FASTKD1: variants seen among roughly 807,000 people sequenced by gnomAD.
FASTKD1 encodes FAST kinase domains 1, also known as FAST kinase domain-containing protein 1, mitochondrial.
Under a neutral mutation model 90.9 loss-of-function variants are expected in FASTKD1, and 94 were observed. The observed-to-expected ratio is 1.03, with a 90% CI of 0.88 to 1.23. The LOEUF (loss-of-function observed/expected upper bound fraction) is 1.23. FASTKD1 is among the 50% of genes most tolerant of loss of function. The pLI is 0.00. For synonymous variants in FASTKD1, 319 were observed against 345.8 expected (o/e 0.92, Z 0.86); for missense variants, 945 against 993.5 (o/e 0.95, Z 0.66).
chr2:169,565,621 G>A (rs1479790383), intron 3 of FASTKD1, among the ~76,000 whole-genome samples: 1 of 152,102 alleles, frequency 6.6e-6, no homozygotes. Flanking sequence ...TCAAATCTTA[G>A]CTATTGTATA....
At chr2:169,553,561 G>C (rs1685593824) in intron 7 of FASTKD1, among the ~76,000 whole-genome samples, 3 of 152,100 alleles carry the variant, frequency 2.0e-5, no homozygotes, top group Admixed American at 2.0e-4. Flanking sequence ...TAACCATAAT[G>C]GCATATCACT....
At chr2:169,530,819 G>A in intron 13 of FASTKD1, 118 bp from the exon 14 acceptor site, 1 of 654,160 alleles carries the variant, frequency 1.5e-6, no homozygotes, top group East Asian at 2.7e-5. Flanking sequence ...GAATATAAAT[G>A]AGTATATCAA....
chr2:169,544,262 T>C (rs1685084186), intron 9 of FASTKD1, among the ~76,000 whole-genome samples: 1 of 152,186 alleles, frequency 6.6e-6, no homozygotes, highest in Non-Finnish European at 1.5e-5. Context: ...TTTTTCATAA[T>C]TAAAATGGAT....
chr2:169,557,203 A>G lies in FASTKD1; in HGVS notation c.1066T>C (p.Ser356Pro). 4 of 1,607,534 alleles carry G rather than the reference A, an allele frequency of 2.5e-6. No homozygotes were observed. Among genetic ancestry groups the G allele is most frequent in the Non-Finnish European group, 2.6e-6 (3 of 1,174,526 alleles). Residue 356 changes from serine (S) to proline (P), a missense_variant, in exon 6 of 15, where the codon TCA (serine) becomes CCA (proline). Transcript: ENST00000453153. Reference sequence around the variant, plus strand: ...AAAAGATACCTTTTAATCAGACATGAGTTTCTGCTTTCCATATCTCCCATT... The same window carrying G: ...AAAAGATACCTTTTAATCAGACATGGGTTTCTGCTTTCCATATCTCCCATT... Reference protein sequence around the residue: ...GAMGDMESRNSCLIKRVTSVL... With the variant: ...GAMGDMESRNPCLIKRVTSVL...
At chr2:169,570,661 G>A (rs955762378) in intron 2 of FASTKD1, among the ~76,000 whole-genome samples, 1 of 145,166 alleles carries the variant, frequency 6.9e-6, no homozygotes, top group Non-Finnish European at 1.5e-5. Context: ...ATTGCTGATT[G>A]TTATTAGGCA....
intron 7 of FASTKD1, among the ~76,000 whole-genome samples, chr2:169,547,884 CAAAAAAAAAAAAAAAAA>C (rs1158292826): frequency 0.097 from 2,072 of 21,414 alleles, 110 homozygotes; most frequent in African/African-American, 0.23. Flanking sequence ...GACTCCATCT[CAAAAAAAAAAAAAAAAA>C]AAAAAAAAAA....
intron 3 of FASTKD1, 126 bp from the exon 4 acceptor site, chr2:169,563,476 A>C: frequency 6.6e-6 from 4 of 604,408 alleles, no homozygotes; most frequent in Non-Finnish European, 9.6e-6. Context: ...CTAAAATGTT[A>C]TTATTATAAA....
At chr2:169,531,001 A>C (rs1433839718) in intron 13 of FASTKD1, 1 of 663,274 alleles carries the variant, frequency 1.5e-6, no homozygotes, top group East Asian at 3.2e-5. Context: ...CACAGCTTAT[A>C]GTCTAACAGA....
chr2:169,542,807 G>A (rs1045873024), intron 9 of FASTKD1, among the ~76,000 whole-genome samples: 3 of 152,240 alleles, frequency 2.0e-5, no homozygotes, highest in Non-Finnish European at 4.4e-5. Context: ...AGGTTCTTAA[G>A]AAACATTTTT....
chr2:169,562,925 C>T (rs181214725), intron 4 of FASTKD1, among the ~76,000 whole-genome samples: 259 of 152,260 alleles, frequency 1.7e-3, no homozygotes, highest in African/African-American at 5.9e-3. Flanking sequence ...GAGTCTCAGG[C>T]CTTCCTACGG....
chr2:169,568,233 G>C (rs76917207), intron 3 of FASTKD1, among the ~76,000 whole-genome samples: 1,925 of 152,242 alleles, frequency 0.013, 40 homozygotes, highest in African/African-American at 0.043. Flanking sequence ...CTCCTAAACA[G>C]TGTTAAATGG....
chr2:169,563,077 T>C (rs1683780386), intron 4 of FASTKD1, 148 bp downstream of exon 4: 2 of 662,566 alleles, frequency 3.0e-6, no homozygotes, highest in Non-Finnish European at 5.1e-6. Context: ...TAGCTATTAC[T>C]ATCCCTCTTT....
Position 169,529,929 on chromosome 2 carries a change from GA to G in FASTKD1, c.2443-4del. 1 of 1,597,984 alleles carries G rather than the reference GA, an allele frequency of 6.3e-7. No individual in the cohort carries two copies. Among genetic ancestry groups the G allele is most frequent in the Non-Finnish European group, 8.6e-7 (1 of 1,169,010 alleles). On this transcript the variant is annotated splice_polypyrimidine_tract_variant and splice_region_variant and intron_variant, in intron 14 of 14. Transcript: ENST00000453153. ...GAGTTCCATTCAAACTGGGAAATCT[GA>G]AAATAAGTAATGTTGTTTGAATGAA...
At chr2:169,552,731 G>A (rs1241794957) in intron 7 of FASTKD1, among the ~76,000 whole-genome samples, 2 of 152,068 alleles carry the variant, frequency 1.3e-5, no homozygotes, top group Non-Finnish European at 2.9e-5. Context: ...TATAATGGAC[G>A]TTAGAGACTC....
chr2:169,564,984 G>C (rs913451806), intron 3 of FASTKD1, among the ~76,000 whole-genome samples: 1 of 120,004 alleles, frequency 8.3e-6, no homozygotes, highest in Admixed American at 1.0e-4. Context: ...ACGCAGTTTC[G>C]CTCTTGTTGC....
intron 8 of FASTKD1, among the ~76,000 whole-genome samples, chr2:169,545,184 A>C (rs777323445): frequency 1.1e-4 from 17 of 152,198 alleles, no homozygotes; most frequent in Non-Finnish European, 2.9e-5. Flanking sequence ...CAGGAGTTCG[A>C]GATTAGTCAG....
In FASTKD1 at chr2:169,546,494, T is replaced by A. The variant is rs745817274; in HGVS notation, c.1425A>T (p.Lys475Asn). ...DHMYLDNMTA[K>N]QLKLLQKLDH... ...CTAATTTTTGAAGTAGTTTCAGTTG[T>A]TTCGCAGTCATATTATCCAAATACA... Residue 475 changes from lysine (K) to asparagine (N), a missense_variant, in exon 8 of 15, where the codon AAA becomes AAT. Physicochemically the swap from Lys to Asn is moderately conservative, Grantham distance 94. Transcript: ENST00000453153. 14 of 1,614,204 alleles carry A rather than the reference T, an allele frequency of 8.7e-6. No homozygotes were observed. In the East Asian group the frequency reaches 3.1e-4, roughly 36 times the overall value.
chr2:169,572,520 G>A (rs1466058980), intron 1 of FASTKD1, among the ~76,000 whole-genome samples: 1 of 150,602 alleles, frequency 6.6e-6, no homozygotes, highest in East Asian at 1.9e-4. Context: ...TTAATTCAGA[G>A]CCATATATAT....
At chr2:169,568,544 G>C (rs542561080) in intron 3 of FASTKD1, among the ~76,000 whole-genome samples, 66 of 142,084 alleles carry the variant, frequency 4.6e-4, no homozygotes, top group African/African-American at 1.6e-3. Context: ...TATAAACCCA[G>C]CACTTTGTGA....
Sources: allele counts gnomAD v4.1 joint callset (sites outside exome capture counted in the v4.1 genomes callset), GRCh38; gene constraint gnomAD v4.1.1; transcripts MANE v1.5; gene names NCBI Gene and HGNC (gene_info 2026-07-23, HGNC 2026-07-21).